The following TTC29 variants were observed in gnomAD, a reference collection of about 807,000 sequenced individuals.
TTC29 encodes the protein tetratricopeptide repeat protein 29.
In TTC29, 49 loss-of-function variants were observed where a neutral mutation model predicts 58.1. That is an observed-to-expected ratio of 0.84 (90% CI 0.67 to 1.07). The LOEUF (loss-of-function observed/expected upper bound fraction) is 1.07. Ranked by LOEUF, TTC29 falls within the 50% of genes least tolerant of loss-of-function variation. The probability of loss-of-function intolerance (pLI) is 0.00; values close to 1 mark genes in which losing one functional copy is unlikely to be tolerated. For synonymous variants in TTC29, 209 were observed against 196.8 expected, an observed-to-expected ratio of 1.06 and a Z score of -0.52; for missense variants, 582 against 555.6, an observed-to-expected ratio of 1.05 and a Z score of -0.48.
At chr4:146,920,301 C>T (rs1217346823) in intron 4 of TTC29, among the ~76,000 whole-genome samples, 1 of 151,000 alleles carries the variant, frequency 6.6e-6, no homozygotes, top group African/African-American at 2.4e-5. Flanking sequence ...ATTCTTTACA[C>T]CTATAGGTTC....
chr4:146,825,405 T>G (rs190098644), intron 9 of TTC29, among the ~76,000 whole-genome samples: 31 of 152,298 alleles, frequency 2.0e-4, no homozygotes, highest in Non-Finnish European at 3.5e-4. Flanking sequence ...CATGTAATTT[T>G]GCAGTTTTGA....
intron 6 of TTC29, among the ~76,000 whole-genome samples, chr4:146,884,158 G>C (rs1432558568): frequency 1.3e-5 from 2 of 152,078 alleles, no homozygotes; most frequent in African/African-American, 4.8e-5. Context: ...GCCCCAAAAA[G>C]TGACAATTAA....
At chr4:146,713,745 GT>G (rs754071032) in intron 11 of TTC29, among the ~76,000 whole-genome samples, 2 of 151,606 alleles carry the variant, frequency 1.3e-5, no homozygotes, top group Non-Finnish European at 1.5e-5. Flanking sequence ...AAAGTATAGG[GT>G]TTTTTTTAAC....
At chr4:146,743,717 AG>A (rs1203876979) in intron 11 of TTC29, among the ~76,000 whole-genome samples, 44 of 152,344 alleles carry the variant, frequency 2.9e-4, no homozygotes, top group East Asian at 7.7e-4. Flanking sequence ...ATTTCGCTTT[AG>A]AAGATACAAA....
intron 11 of TTC29, among the ~76,000 whole-genome samples, chr4:146,769,458 T>C (rs561834992): frequency 6.6e-6 from 1 of 152,144 alleles, no homozygotes; most frequent in South Asian, 2.1e-4. Flanking sequence ...AAAGGTAGTA[T>C]AAGGATCTAC....
At chr4:146,819,184 G>T (rs968656555) in intron 10 of TTC29, among the ~76,000 whole-genome samples, 1 of 151,502 alleles carries the variant, frequency 6.6e-6, no homozygotes, top group African/African-American at 2.4e-5. Flanking sequence ...CAGCTGTAAA[G>T]CACATACGTT....
chr4:146,833,759 G>T (rs1359788727), intron 9 of TTC29, 47 bp downstream of exon 9: 3 of 1,479,606 alleles, frequency 2.0e-6, no homozygotes, highest in Non-Finnish European at 2.8e-6. Flanking sequence ...GCCTTTCACA[G>T]TTGAGTGAAT....
chr4:146,891,793 T>C (rs1732384574), intron 6 of TTC29, among the ~76,000 whole-genome samples: 1 of 152,182 alleles, frequency 6.6e-6, no homozygotes, highest in Admixed American at 6.6e-5. Context: ...CTGAAGCAGT[T>C]CTTCAGCAAT....
At chr4:146,860,598 A>G (rs1730165132) in intron 8 of TTC29, among the ~76,000 whole-genome samples, 1 of 152,128 alleles carries the variant, frequency 6.6e-6, no homozygotes, top group Admixed American at 6.6e-5. Flanking sequence ...GGATACTCTC[A>G]ATGATTCATG....
intron 11 of TTC29, among the ~76,000 whole-genome samples, chr4:146,791,267 C>A (rs1749427669): frequency 1.3e-5 from 2 of 152,168 alleles, no homozygotes. Context: ...TTGCTTTAAG[C>A]AAGTCTATCA....
At chr4:146,872,068 T>C (rs1243768365) in intron 7 of TTC29, among the ~76,000 whole-genome samples, 1 of 152,068 alleles carries the variant, frequency 6.6e-6, no homozygotes, top group African/African-American at 2.4e-5. Flanking sequence ...ATCAAGGCAA[T>C]AGAATTGAGA....
chr4:146,869,018 A>G (rs956961703), intron 7 of TTC29, among the ~76,000 whole-genome samples: 4 of 149,738 alleles, frequency 2.7e-5, no homozygotes, highest in African/African-American at 9.9e-5. Flanking sequence ...GCCTTCTGCC[A>G]TGATTGGAAG....
chr4:146,757,725 T>C (rs575642055), intron 11 of TTC29, among the ~76,000 whole-genome samples: 135 of 152,160 alleles, frequency 8.9e-4, no homozygotes, highest in South Asian at 2.5e-3. Flanking sequence ...CTAAGCATCA[T>C]ATATGAAGGA....
chr4:146,836,558 G>A (rs1384003651), intron 8 of TTC29, among the ~76,000 whole-genome samples: 1 of 151,908 alleles, frequency 6.6e-6, no homozygotes, highest in Non-Finnish European at 1.5e-5. Context: ...AAAGAGAGTA[G>A]GAGGGTCTTC....
At chr4:146,904,497 T>C (rs540633495) in intron 5 of TTC29, among the ~76,000 whole-genome samples, 1 of 152,306 alleles carries the variant, frequency 6.6e-6, no homozygotes, top group South Asian at 2.1e-4. Context: ...GAATCAGTCT[T>C]ATAAACCCCA....
intron 10 of TTC29, among the ~76,000 whole-genome samples, chr4:146,805,931 G>A (rs4835341): frequency 0.06 from 9,191 of 152,038 alleles, 390 homozygotes; most frequent in Admixed American, 0.13. Flanking sequence ...ACACATTATC[G>A]TCAGATTCAC....
intron 11 of TTC29, among the ~76,000 whole-genome samples, chr4:146,745,106 A>G (rs1579576998): frequency 6.6e-6 from 1 of 152,176 alleles, no homozygotes. Context: ...AGCACATGCC[A>G]TGTTCACAGT....
In TTC29 at chr4:146,871,211, T is replaced by C. The variant is rs1730907468; in HGVS notation, c.799+3505A>G. Among the ~76,000 whole-genome samples the C allele has an allele frequency of 2.6e-5, 4 of 151,972 alleles. No homozygotes were observed. The South Asian group carries it at 8.3e-4, about 31-fold the overall frequency. ...TAATCAATTAGTATAATATAACATA[T>C]TAATAGGATAAAAGACAAAAACACA... On this transcript the variant is annotated intron_variant, in intron 7 of 12. Transcript: ENST00000325106.
chr4:146,922,031 G>A (rs58568510), intron 4 of TTC29, among the ~76,000 whole-genome samples: 15,846 of 107,400 alleles, frequency 0.15, 1,745 homozygotes, highest in African/African-American at 0.31. Flanking sequence ...AAAAAAAAAA[G>A]AAAGAAAGAA....
Sources: gnomAD v4.1 joint callset for allele counts (sites outside exome capture counted in the v4.1 genomes callset) on GRCh38, gnomAD v4.1.1 for gene constraint, MANE v1.5 for transcripts, NCBI Gene and HGNC (gene_info 2026-07-23, HGNC 2026-07-21) for gene names.